Variants in PCDHGB6 observed in about 807,000 individuals in gnomAD.
PCDHGB6 encodes the protein protocadherin gamma subfamily B, 6.
In PCDHGB6, 51 loss-of-function variants were observed where a neutral mutation model predicts 59.1. The observed-to-expected ratio is 0.86, with a 90% CI of 0.69 to 1.09. PCDHGB6 has a LOEUF of 1.09. PCDHGB6 is among the 50% of genes least tolerant of loss of function. PCDHGB6 has a pLI of 0.00. For synonymous variants in PCDHGB6, 466 were observed against 495.1 expected (o/e 0.94, Z 0.78); for missense variants, 1,148 against 1,205.1 (o/e 0.95, Z 0.70).
chr5:141,451,993 C>G (rs1235806360), intron 1 of PCDHGB6, among the ~76,000 whole-genome samples: 4 of 152,164 alleles, frequency 2.6e-5, no homozygotes, highest in African/African-American at 7.2e-5. Context: ...TCATTAGAAG[C>G]AAAATCACTT....
At position 141,412,100 on chromosome 5, in the gene PCDHGB6, C is replaced by T. The variant is rs1041242156; in HGVS notation, c.2418+1480C>T. On this transcript the variant is annotated intron_variant, in intron 1 of 3. Coordinates refer to ENST00000520790, the MANE Select transcript of PCDHGB6 (RefSeq NM_018926.3). ...TTGCTACTGGGTTGATGGGCACACA[C>T]AGTTGAAGATATGTGAACCACTGGA... The T allele has an allele frequency of 2.0e-5, 3 of 152,180 alleles. No homozygotes were observed. In the South Asian group the frequency reaches 6.2e-4, roughly 31 times the overall value. 9.4% of individuals were successfully genotyped at this position (152,180 alleles called of 1,614,324 possible).
chr5:141,459,843 T>C (rs1328781794), intron 1 of PCDHGB6, among the ~76,000 whole-genome samples: 1 of 152,228 alleles, frequency 6.6e-6, no homozygotes, highest in African/African-American at 2.4e-5. Context: ...TGTCTATTTG[T>C]ATATCTTCTT....
intron 1 of PCDHGB6, among the ~76,000 whole-genome samples, chr5:141,481,309 T>C (rs577046585): frequency 2.6e-4 from 39 of 152,310 alleles, no homozygotes; most frequent in African/African-American, 9.1e-4. Context: ...GGAAAAACCT[T>C]CCTAAAGCAC....
rs143737031 is a variant in PCDHGB6 at position 141,454,359 on chromosome 5, G to C, written c.2419-40448G>C. Among the ~76,000 whole-genome samples, 105 of 152,200 alleles carry C rather than the reference G, an allele frequency of 6.9e-4. No individual in the cohort carries two copies. In the East Asian group the frequency reaches 0.014, roughly 20 times the overall value. ...AATGTTGGAAGTTGATCCAAACTTA[G>C]AAAGGAGTATGGCAACTTGTCAAGA... On this transcript the variant is annotated intron_variant, in intron 1 of 3. Coordinates refer to ENST00000520790, the MANE Select transcript of PCDHGB6 (RefSeq NM_018926.3).
chr5:141,418,941 C>T, intron 1 of PCDHGB6: 1 of 1,614,034 alleles, frequency 6.2e-7, no homozygotes, highest in Non-Finnish European at 8.5e-7. Context: ...GAGGATTCCC[C>T]TCCAGGAGTG....
At chr5:141,440,221 C>A (rs557068282) in intron 1 of PCDHGB6, 2 of 152,450 alleles carry the variant, frequency 1.3e-5, no homozygotes, top group Admixed American at 6.5e-5. Context: ...GTAATCCCAG[C>A]ACTTTGGGAG....
At chr5:141,417,874 C>G in intron 1 of PCDHGB6, 9 of 1,555,320 alleles carry the variant, frequency 5.8e-6, no homozygotes, top group Non-Finnish European at 7.8e-6. Context: ...GAGGGAGCTG[C>G]GCGCAGAGGC....
chr5:141,469,354 A>G (rs1160934469), intron 1 of PCDHGB6, among the ~76,000 whole-genome samples: 1 of 152,128 alleles, frequency 6.6e-6, no homozygotes, highest in Non-Finnish European at 1.5e-5. Flanking sequence ...AGGTGGATGG[A>G]TCATGAGGTA....
At chr5:141,430,220 G>A (rs1216694883) in intron 1 of PCDHGB6, among the ~76,000 whole-genome samples, 1 of 148,674 alleles carries the variant, frequency 6.7e-6, no homozygotes, top group Non-Finnish European at 1.5e-5. Flanking sequence ...TATATTATAT[G>A]ATTTGTCAAA....
chr5:141,415,419 C>T (rs2095868053), intron 1 of PCDHGB6: 1 of 1,614,196 alleles, frequency 6.2e-7, no homozygotes, highest in Non-Finnish European at 8.5e-7. Context: ...TGGGCGTGGA[C>T]GGGGTTCGGG....
chr5:141,438,581 TAC>T (rs2097976954), intron 1 of PCDHGB6, among the ~76,000 whole-genome samples: 6 of 49,834 alleles, frequency 1.2e-4, no homozygotes, highest in African/African-American at 7.2e-4. Flanking sequence ...TATACATACA[TAC>T]ATACATACAT....
At chr5:141,426,029 A>G (rs576464127) in intron 1 of PCDHGB6, among the ~76,000 whole-genome samples, 13 of 152,216 alleles carry the variant, frequency 8.5e-5, no homozygotes, top group Non-Finnish European at 1.9e-4. Flanking sequence ...AAATAGACTC[A>G]GAGCCCTGCT....
rs760319541 is a variant in PCDHGB6, at chr5:141,477,772, C to T, written c.2419-17035C>T. 1.2e-6 allele frequency: 2 copies of T among 1,614,026 alleles called. No homozygotes were observed. Among genetic ancestry groups the T allele is most frequent in the South Asian group, 1.1e-5 (1 of 91,088 alleles). ...CCCCGGTCCTAGCCACCAACATCAGCGTGAACATATTTGTCACTGATCGCA... is the reference window on the plus strand; with the variant it reads ...CCCCGGTCCTAGCCACCAACATCAGTGTGAACATATTTGTCACTGATCGCA... On this transcript the variant is annotated intron_variant, in intron 1 of 3. Coordinates refer to ENST00000520790, the MANE Select transcript of PCDHGB6 (RefSeq NM_018926.3). This position sits in a 1 kb window ranked among gnomAD's most constrained non-coding sequence, Gnocchi z 4.9.
intron 1 of PCDHGB6, chr5:141,414,538 A>C: frequency 1.2e-6 from 2 of 1,613,882 alleles, no homozygotes; most frequent in Non-Finnish European, 1.7e-6. Flanking sequence ...CAACCCACCT[A>C]CCTTCTCTCA....
chr5:141,449,078 C>T (rs1342751417), intron 1 of PCDHGB6, among the ~76,000 whole-genome samples: 1 of 152,052 alleles, frequency 6.6e-6, no homozygotes, highest in Non-Finnish European at 1.5e-5. Flanking sequence ...AGCCCTGTAC[C>T]TACATCAGTT....
At chr5:141,480,935 C>G (rs1297213622) in intron 1 of PCDHGB6, among the ~76,000 whole-genome samples, 1 of 152,092 alleles carries the variant, frequency 6.6e-6, no homozygotes, top group Non-Finnish European at 1.5e-5. Flanking sequence ...GTCCCAGCTA[C>G]TCTAGAGGCT....
At position 141,409,954 on chromosome 5, in the gene PCDHGB6, C is replaced by T. The variant is rs774233531; in HGVS notation, c.1752C>T (p.Pro584=). Residue 584 remains proline, a synonymous_variant, in exon 1 of 4, where the codon CCC becomes CCT. Coordinates refer to ENST00000520790, the MANE Select transcript of PCDHGB6 (RefSeq NM_018926.3). The part of the protein sequence containing the change: ...FFDMVPRSAE[P]GYLVTKVVAV... ...ATATGGTACCTCGCTCTGCAGAGCC[C>T]GGCTACCTAGTGACTAAGGTGGTAG... 1.9e-6 allele frequency: 3 copies of T among 1,613,356 alleles called. No individual in the cohort carries two copies. The highest frequency in any genetic ancestry group is 1.1e-5 in the South Asian group (1 of 91,084).
chr5:141,409,883 C>T lies in PCDHGB6; in HGVS notation c.1681C>T (p.Arg561Trp), dbSNP rs530193346. 1.2e-6 allele frequency: 2 copies of T among 1,612,988 alleles called. No individual in the cohort carries two copies. The highest frequency in any genetic ancestry group is 3.3e-5 in the Admixed American group (2 of 59,964). ...GGGAGACCGCAATGACAACGCACCGCGGGTGCTGTACCCAGCTCTGGGTCC... is the reference window on the plus strand; with the variant it reads ...GGGAGACCGCAATGACAACGCACCGTGGGTGCTGTACCCAGCTCTGGGTCC... ...LVGDRNDNAP[R>W]VLYPALGPDG... The change falls in exon 1 of 4, where the codon CGG becomes TGG. Residue 561 changes from arginine (R) to tryptophan (W), a missense_variant. This residue lies in a region of PCDHGB6 where 549 missense variants were observed against 527.5 expected (regional missense o/e 1.04). Transcript: ENST00000520790.
At position 141,490,558 on chromosome 5, in the gene PCDHGB6, A is replaced by G. The variant is rs765890709; in HGVS notation, c.2419-4249A>G. 3.1e-5 allele frequency: 50 copies of G among 1,614,042 alleles called. No individual in the cohort carries two copies. The East Asian group carries it at 1.0e-3, about 34-fold the overall frequency. ...ACCTTCCCTACACAAACATCTCACC[A>G]TCAGGCTCAACATTTCAGATGTCAA... On this transcript the variant is annotated intron_variant, in intron 1 of 3. Transcript: ENST00000520790. This position sits in a 1 kb window ranked among gnomAD's most constrained non-coding sequence, Gnocchi z 5.4.
Sources: gnomAD v4.1 joint callset for allele counts (sites outside exome capture counted in the v4.1 genomes callset) on GRCh38, gnomAD v4.1.1 for gene constraint, gnomAD v4.1.1 regional missense constraint, Gnocchi (gnomAD v3.1) non-coding constraint, MANE v1.5 for transcripts, NCBI Gene and HGNC (gene_info 2026-07-23, HGNC 2026-07-21) for gene names.